Variants in SLC7A13 observed in about 807,000 individuals in gnomAD.
SLC7A13 encodes the protein solute carrier family 7 member 13, also known as X-amino acid transporter 2.
A neutral mutation model predicts 32.0 loss-of-function variants in SLC7A13; 31 were observed. The observed-to-expected ratio is 0.97, with a 90% CI of 0.73 to 1.31. The LOEUF (loss-of-function observed/expected upper bound fraction) is 1.31, where lower values mean the gene tolerates loss of function less well. SLC7A13 is among the 50% of genes most tolerant of loss of function. The probability of loss-of-function intolerance (pLI) is 0.00; values close to 1 mark genes in which losing one functional copy is unlikely to be tolerated. For synonymous variants in SLC7A13, 232 were observed against 206.9 expected (o/e 1.12, Z -1.04); for missense variants, 633 against 546.9 (o/e 1.16, Z -1.57).
At chr8:86,218,408 C>A (rs1275521550) in intron 2 of SLC7A13, among the ~76,000 whole-genome samples, 1 of 152,096 alleles carries the variant, frequency 6.6e-6, no homozygotes, top group Admixed American at 6.6e-5. Context: ...CGGGACTTTT[C>A]TATAGACCAG....
intron 2 of SLC7A13, among the ~76,000 whole-genome samples, chr8:86,221,831 C>T (rs1018724631): frequency 2.0e-5 from 3 of 152,120 alleles, no homozygotes; most frequent in African/African-American, 2.4e-5. Context: ...CCCGTATGGA[C>T]GGAGCACTGG....
intron 1 of SLC7A13, among the ~76,000 whole-genome samples, chr8:86,225,562 T>C (rs1820376359): frequency 6.6e-6 from 1 of 152,166 alleles, no homozygotes; most frequent in Non-Finnish European, 1.5e-5. Context: ...GATTACAATT[T>C]AATTTATAAT....
intron 1 of SLC7A13, among the ~76,000 whole-genome samples, chr8:86,228,345 AT>A (rs1294415866): frequency 1.3e-5 from 2 of 152,040 alleles, no homozygotes; most frequent in Non-Finnish European, 2.9e-5. Flanking sequence ...TGGTTACAGT[AT>A]CTTCGCATTG....
In SLC7A13 at chr8:86,218,495, G is replaced by A. The variant is rs113665145; in HGVS notation, c.818-664C>T. 4.5e-3 allele frequency among the ~76,000 whole-genome samples: 687 copies of A among 152,192 alleles called. 6 individuals are homozygous for A. Among genetic ancestry groups the A allele is most frequent in the African/African-American group, 0.016 (658 of 41,530 alleles). On this transcript the variant is annotated intron_variant, in intron 2 of 3. Transcript: ENST00000297524. ...GGAGACTTTTTTGGCTGTTACAACC[G>A]GGGAGGTAGGAGGTTGCTGCTGGTG...
At chr8:86,228,743 G>A (rs988324239) in intron 1 of SLC7A13, among the ~76,000 whole-genome samples, 3 of 152,030 alleles carry the variant, frequency 2.0e-5, no homozygotes, top group African/African-American at 7.2e-5. Context: ...CTACTCTGGA[G>A]GCTGAGGCAG....
In SLC7A13 at chr8:86,218,852, G is replaced by T. The variant is rs1177572749; in HGVS notation, c.818-1021C>A. 3.9e-5 allele frequency among the ~76,000 whole-genome samples: 6 copies of T among 152,140 alleles called. No homozygotes were observed. The South Asian group carries it at 1.0e-3, about 26-fold the overall frequency. On this transcript the variant is annotated intron_variant, in intron 2 of 3. Coordinates refer to ENST00000297524, the MANE Select transcript of SLC7A13 (RefSeq NM_138817.3). Reference sequence around the variant, plus strand: ...CAAATTATCAGTTTTTCAATGGAATGAGCACAATGGGGCCTGAAGTCCCTG... The same window carrying T: ...CAAATTATCAGTTTTTCAATGGAATTAGCACAATGGGGCCTGAAGTCCCTG...
At chr8:86,216,300 C>G (rs1820180223) in intron 3 of SLC7A13, among the ~76,000 whole-genome samples, 1 of 152,182 alleles carries the variant, frequency 6.6e-6, no homozygotes, top group African/African-American at 2.4e-5. Context: ...CTGTGGCCAT[C>G]AGCCCTGCTC....
Position 86,214,138 on chromosome 8 carries a change from G to A in SLC7A13, c.*275C>T, listed in dbSNP as rs1820137395. 2 of 234,392 alleles carry A rather than the reference G, an allele frequency of 8.5e-6. No homozygotes were observed. The highest frequency in any genetic ancestry group is 1.6e-5 in the Non-Finnish European group (2 of 122,002). 14.5% of individuals were successfully genotyped at this position (234,392 alleles called of 1,614,324 possible). ...GGGGTGGGATACAGAAAAAAAAAGT[G>A]AGAGAATGGAAGTTGTATAATCACT... On this transcript the variant is annotated 3_prime_UTR_variant, in exon 4 of 4. Transcript: ENST00000297524.
At chr8:86,221,466 GA>G (rs2129792840) in intron 2 of SLC7A13, among the ~76,000 whole-genome samples, 1 of 152,090 alleles carries the variant, frequency 6.6e-6, no homozygotes, top group Non-Finnish European at 1.5e-5. Context: ...GATTAATTTA[GA>G]ATTTTTTTTT....
chr8:86,230,104 T>TACTG lies in SLC7A13; in HGVS notation c.173_174insCAGT (p.Leu59SerfsTer60). ...AGCAAAGAGTTGATGTCATGGCCAG[T>TACTG]ATGGCACAGCCAGCCCAAACGCACA... On this transcript the variant is annotated frameshift_variant, in exon 1 of 4. Transcript: ENST00000297524. LOFTEE classifies it high-confidence loss of function. 1 of 1,614,134 alleles carries TACTG rather than the reference T, an allele frequency of 6.2e-7. No homozygotes were observed. The highest frequency in any genetic ancestry group is 1.1e-5 in the South Asian group (1 of 91,080).
At chr8:86,228,770 C>A (rs561180054) in intron 1 of SLC7A13, among the ~76,000 whole-genome samples, 24 of 151,908 alleles carry the variant, frequency 1.6e-4, no homozygotes, top group African/African-American at 5.6e-4. Flanking sequence ...TGCTTGAACC[C>A]AGGAGGAGGA....
chr8:86,220,454 G>T (rs1311346785), intron 2 of SLC7A13, among the ~76,000 whole-genome samples: 4 of 152,064 alleles, frequency 2.6e-5, no homozygotes, highest in African/African-American at 9.7e-5. Context: ...AAACAAGTCA[G>T]AGCTCTGACA....
intron 3 of SLC7A13, among the ~76,000 whole-genome samples, chr8:86,217,164 T>C (rs532553068): frequency 4.6e-5 from 7 of 152,342 alleles, no homozygotes; most frequent in East Asian, 1.9e-4. Context: ...GACATTCATA[T>C]GCATGACTAG....
In SLC7A13 at chr8:86,229,977, A is replaced by C; in HGVS notation, c.301T>G (p.Leu101Val). Reference protein sequence around the residue: ...TVAFLNLWTSLFLGSGVVAGQ... With the variant: ...TVAFLNLWTSVFLGSGVVAGQ... ...GCAACTACCCCTGACCCCAGAAACA[A>C]GGATGTCCAGAGATTCAAAAAAGCA... The change falls in exon 1 of 4, where the codon TTG (leucine) becomes GTG (valine). Residue 101 changes from leucine to valine, a missense_variant. By Grantham distance (32) the Leu-to-Val change is conservative (BLOSUM62 1). Coordinates refer to ENST00000297524, the MANE Select transcript of SLC7A13 (RefSeq NM_138817.3). 1 of 1,614,188 alleles carries C rather than the reference A, an allele frequency of 6.2e-7. No individual in the cohort carries two copies.
chr8:86,226,867 C>T (rs371557296), intron 1 of SLC7A13, among the ~76,000 whole-genome samples: 3 of 152,268 alleles, frequency 2.0e-5, no homozygotes. Context: ...ATTCAAATTG[C>T]CACTTTTCCA....
chr8:86,220,023 A>C (rs1465748237), intron 2 of SLC7A13, among the ~76,000 whole-genome samples: 1 of 151,914 alleles, frequency 6.6e-6, no homozygotes. Context: ...TTCTCTTCAA[A>C]ATTCTTTTAT....
Position 86,217,573 on chromosome 8 carries a change from A to G in SLC7A13, c.1076T>C (p.Leu359Ser), listed in dbSNP as rs201235225. 27 of 1,613,210 alleles carry G rather than the reference A, an allele frequency of 1.7e-5. No homozygotes were observed. Among genetic ancestry groups the G allele is most frequent in the Non-Finnish European group, 2.1e-5 (25 of 1,179,544 alleles). ...ACCCGTGAAAAAAATATAGTTTATC[A>G]AATCAATTAGACTTGTTAAGATAAT... is the stretch of plus-strand genomic sequence containing the variant. ...LAIILTSLID[L>S]INYIFFTGSL... Residue 359 changes from leucine (L) to serine (S), a missense_variant, in exon 3 of 4, where the codon TTG (leucine) becomes TCG (serine). Leu to Ser is a moderately radical substitution (Grantham distance 145). Transcript: ENST00000297524.
Position 86,229,888 on chromosome 8 carries a change from T to C in SLC7A13, c.390A>G (p.Pro130=). 9.3e-6 allele frequency: 15 copies of C among 1,614,160 alleles called. No homozygotes were observed. Among genetic ancestry groups the C allele is most frequent in the Non-Finnish European group, 1.2e-5 (14 of 1,180,038 alleles). ...ATGCCAGACATTTCTTAGGCAGCTT[T>C]GGGACAGAGCAGCTGGGAAAAAAAG... ...IQPFFPSCSV[P]KLPKKCLALA... The change falls in exon 1 of 4, where the codon CCA becomes CCG. Residue 130 remains proline (P), a synonymous_variant. Coordinates refer to ENST00000297524, the MANE Select transcript of SLC7A13 (RefSeq NM_138817.3).
Position 86,218,087 on chromosome 8 carries a change from G to T in SLC7A13, c.818-256C>A, listed in dbSNP as rs188562056. 1.1e-3 allele frequency among the ~76,000 whole-genome samples: 164 copies of T among 152,146 alleles called. 2 individuals are homozygous for T. The highest frequency in any genetic ancestry group is 5.1e-4 in the Non-Finnish European group (35 of 68,006). On this transcript the variant is annotated intron_variant, in intron 2 of 3. Transcript: ENST00000297524. Reference sequence around the variant, plus strand: ...CCAATAGACCAAGAATGTTTTTGAGGGCAAGGATAATCCATTTATTTTCTA... The same window carrying T: ...CCAATAGACCAAGAATGTTTTTGAGTGCAAGGATAATCCATTTATTTTCTA...
Sources: allele counts gnomAD v4.1 joint callset (sites outside exome capture counted in the v4.1 genomes callset), GRCh38; gene constraint gnomAD v4.1.1; transcripts MANE v1.5; gene names NCBI Gene and HGNC (gene_info 2026-07-23, HGNC 2026-07-21).